SKP1: variants seen among roughly 807,000 people sequenced by gnomAD.
SKP1 encodes S-phase kinase-associated protein 1.
In SKP1, 1 loss-of-function variant was observed where a neutral mutation model predicts 21.5. The observed-to-expected ratio is 0.05, with a 90% CI of 0.02 to 0.22. The LOEUF (loss-of-function observed/expected upper bound fraction) is 0.22, where lower values mean the gene tolerates loss of function less well. Ranked by LOEUF, SKP1 falls within the 10% of genes least tolerant of loss-of-function variation. SKP1 has a pLI of 1.00. For synonymous variants in SKP1, 59 were observed against 59.3 expected, an observed-to-expected ratio of 0.99 and a Z score of 0.03; for missense variants, 70 against 192.0, an observed-to-expected ratio of 0.36 and a Z score of 3.76.
At position 134,154,460 on chromosome 5, in the gene SKP1, A is replaced by T. The variant is rs909470980; in HGVS notation, c.*3273T>A. On this transcript the variant is annotated 3_prime_UTR_variant, in exon 6 of 6. Coordinates refer to ENST00000353411, the MANE Select transcript of SKP1 (RefSeq NM_170679.3). ...GAGACTCTGTCTCAAAAAAAAAAAA[A>T]AAAAAAAAAAAATTATTAGAATTTG... 1 of 150,668 alleles carries T rather than the reference A, an allele frequency of 6.6e-6. No homozygotes were observed. The highest frequency in any genetic ancestry group is 1.5e-5 in the Non-Finnish European group (1 of 68,074). The allele number at this position is 150,668 out of a possible 1,614,324, so 9.3% of individuals were successfully genotyped here.
chr5:134,153,798 T>C lies in SKP1; in HGVS notation c.*3935A>G, dbSNP rs958328263. 3 of 152,172 alleles carry C rather than the reference T, an allele frequency of 2.0e-5. No homozygotes were observed. The highest frequency in any genetic ancestry group is 1.9e-4 in the East Asian group (1 of 5,196). 9.4% of individuals were successfully genotyped at this position (152,172 alleles called of 1,614,324 possible). A position where few individuals can be genotyped will look rare whatever the true frequency, so the allele number is the denominator to read the frequency against. On this transcript the variant is annotated 3_prime_UTR_variant, in exon 6 of 6. Coordinates refer to ENST00000353411, the MANE Select transcript of SKP1 (RefSeq NM_170679.3). ...ACGTAAACTGAAAAATCAATGTGAT[T>C]TGGAATATCTGCCTGCCCTAAGTGA...
At position 134,153,745 on chromosome 5, in the gene SKP1, A is replaced by G. The variant is rs974325948; in HGVS notation, c.*3988T>C. On this transcript the variant is annotated 3_prime_UTR_variant, in exon 6 of 6. Coordinates refer to ENST00000353411, the MANE Select transcript of SKP1 (RefSeq NM_170679.3). ...AAACAAAATTTATGTTGGGATCAGA[A>G]CACAGCCCATAGGATTGGTCAATTT... 4.6e-5 allele frequency: 7 copies of G among 152,240 alleles called. No individual in the cohort carries two copies. Among genetic ancestry groups the G allele is most frequent in the African/African-American group, 1.7e-4 (7 of 41,460 alleles). 9.4% of individuals were successfully genotyped at this position (152,240 alleles called of 1,614,324 possible).
In SKP1 at chr5:134,156,880, A is replaced by G. The variant is rs946717863; in HGVS notation, c.*853T>C. On this transcript the variant is annotated 3_prime_UTR_variant, in exon 6 of 6. Coordinates refer to ENST00000353411, the MANE Select transcript of SKP1 (RefSeq NM_170679.3). ...AAAAGCAAACTTAACTACCTACTAT[A>G]TAACTTACTTTTTATTGAAAGTATC... 3 of 152,666 alleles carry G rather than the reference A, an allele frequency of 2.0e-5. No homozygotes were observed. The highest frequency in any genetic ancestry group is 2.0e-4 in the Admixed American group (3 of 15,290). 9.5% of individuals were successfully genotyped at this position (152,666 alleles called of 1,614,324 possible). A position where few individuals can be genotyped will look rare whatever the true frequency, so the allele number is the denominator to read the frequency against.
At chr5:134,167,368 C>T in intron 2 of SKP1, 125 bp from the exon 3 acceptor site, 1 of 658,826 alleles carries the variant, frequency 1.5e-6, no homozygotes, top group Non-Finnish European at 2.7e-6. Context: ...TGGATTCAAC[C>T]AACCACAGAT....
chr5:134,157,712 T>G lies in SKP1; in HGVS notation c.*21A>C. 6.3e-7 allele frequency: 1 copy of G among 1,591,910 alleles called. No individual in the cohort carries two copies. The highest frequency in any genetic ancestry group is 1.1e-5 in the South Asian group (1 of 90,624). ...GTATTTGGAACAATCCTTACAGTGT[T>G]ACAGTGTCAGGCACAACATTTCACT... On this transcript the variant is annotated 3_prime_UTR_variant, in exon 6 of 6. Transcript: ENST00000353411.
intron 3 of SKP1, among the ~76,000 whole-genome samples, chr5:134,164,004 C>T (rs1761277468): frequency 6.6e-6 from 1 of 152,054 alleles, no homozygotes; most frequent in Admixed American, 6.5e-5. Context: ...TCTTTTCCCC[C>T]AAATATTCAC....
rs1761029297 is a variant in SKP1, at chr5:134,150,584, G to C, written c.*7149C>G. ...AAGGCTAAGTTGGCTTTTCTTTGAG[G>C]TTCTTTGAGAGTCCTTAACTGCGAC... On this transcript the variant is annotated 3_prime_UTR_variant, in exon 6 of 6. Transcript: ENST00000353411. 1.3e-5 allele frequency: 2 copies of C among 152,162 alleles called. No individual in the cohort carries two copies. Among genetic ancestry groups the C allele is most frequent in the Non-Finnish European group, 1.5e-5 (1 of 68,024 alleles). 9.4% of individuals were successfully genotyped at this position (152,162 alleles called of 1,614,324 possible).
chr5:134,165,722 TA>T, intron 3 of SKP1, among the ~76,000 whole-genome samples: 2 of 149,906 alleles, frequency 1.3e-5, no homozygotes, highest in Admixed American at 6.6e-5. Context: ...CCATCTCTAC[TA>T]AAAAATACAA....
chr5:134,167,342 A>G, intron 2 of SKP1, 99 bp from the exon 3 acceptor site: 1 of 768,624 alleles, frequency 1.3e-6, no homozygotes, highest in Non-Finnish European at 2.3e-6. Context: ...CCCCATATCC[A>G]TGAGTTCTAC....
intron 1 of SKP1, 135 bp downstream of exon 1, chr5:134,176,720 G>A (rs1201454170): frequency 6.6e-6 from 1 of 152,294 alleles, no homozygotes; most frequent in Admixed American, 6.5e-5. Context: ...GGTCGACAAC[G>A]CGATCCACCG....
At chr5:134,175,481 A>C (rs1211969720) in intron 1 of SKP1, 2 of 152,244 alleles carry the variant, frequency 1.3e-5, no homozygotes, top group Non-Finnish European at 2.9e-5. Context: ...ACCTGAGCCC[A>C]ATTTTTAATT....
At chr5:134,175,630 G>C (rs1191395165) in intron 1 of SKP1, 2 of 152,110 alleles carry the variant, frequency 1.3e-5, no homozygotes, top group African/African-American at 4.8e-5. Context: ...AATAACTCAA[G>C]ATAAGTGCTT....
chr5:134,155,717 C>T lies in SKP1; in HGVS notation c.*2016G>A, dbSNP rs1761109544. On this transcript the variant is annotated 3_prime_UTR_variant, in exon 6 of 6. Coordinates refer to ENST00000353411, the MANE Select transcript of SKP1 (RefSeq NM_170679.3). Reference sequence around the variant, plus strand: ...CCAGTTTCTTAGAAGGTGATACTTCCTTTACAAGTTAAACATGGCATATGG... The same window carrying T: ...CCAGTTTCTTAGAAGGTGATACTTCTTTTACAAGTTAAACATGGCATATGG... The T allele has an allele frequency of 6.6e-6, 1 of 152,184 alleles. No individual in the cohort carries two copies. Among genetic ancestry groups the T allele is most frequent in the Non-Finnish European group, 1.5e-5 (1 of 68,040 alleles). 9.4% of individuals were successfully genotyped at this position (152,184 alleles called of 1,614,324 possible).
intron 2 of SKP1, among the ~76,000 whole-genome samples, chr5:134,168,038 A>G (rs1449057848): frequency 6.6e-6 from 1 of 152,256 alleles, no homozygotes; most frequent in African/African-American, 2.4e-5. Flanking sequence ...CTCTCTTAGG[A>G]GCATTTAAAA....
intron 3 of SKP1, 172 bp from the exon 4 acceptor site, chr5:134,161,302 G>A: frequency 1.9e-6 from 1 of 534,788 alleles, no homozygotes; most frequent in Non-Finnish European, 3.3e-6. Flanking sequence ...TATAACCCTA[G>A]AAGGGAGAAG....
rs1207774215 is a variant in SKP1 at position 134,149,523 on chromosome 5, T to C, written c.*8210A>G. On this transcript the variant is annotated 3_prime_UTR_variant, in exon 6 of 6. Coordinates refer to ENST00000353411, the MANE Select transcript of SKP1 (RefSeq NM_170679.3). The stretch of plus-strand genomic sequence containing the variant: ...CTCCACTGAGTTCTATTTTTTGGAT[T>C]TTGTGTTTAAAGTATAAAGTCATTT... 1 of 152,234 alleles carries C rather than the reference T, an allele frequency of 6.6e-6. No homozygotes were observed. Among genetic ancestry groups the C allele is most frequent in the East Asian group, 1.9e-4 (1 of 5,204 alleles). The allele number at this position is 152,234 out of a possible 1,614,324, so 9.4% of individuals were successfully genotyped here.
At position 134,174,158 on chromosome 5, in the gene SKP1, G is replaced by A. The variant is rs1761495240; in HGVS notation, c.1-136C>T. 3 of 637,648 alleles carry A rather than the reference G, an allele frequency of 4.7e-6. No individual in the cohort carries two copies. In the East Asian group the frequency reaches 8.3e-5, roughly 18 times the overall value. The allele number at this position is 637,648 out of a possible 1,614,324, so 39.5% of individuals were successfully genotyped here. ...AACCTACAATACATAACCCTGTAAAGCACTGTTGTAAGCAGTTATTCACAA... is the reference window on the plus strand; with the variant it reads ...AACCTACAATACATAACCCTGTAAAACACTGTTGTAAGCAGTTATTCACAA... On this transcript the variant is annotated intron_variant, in intron 1 of 5. Coordinates refer to ENST00000353411, the MANE Select transcript of SKP1 (RefSeq NM_170679.3).
rs1175884487 is a variant in SKP1, at chr5:134,154,425, G to C, written c.*3308C>G. 1 of 134,604 alleles carries C rather than the reference G, an allele frequency of 7.4e-6. No individual in the cohort carries two copies. The highest frequency in any genetic ancestry group is 1.5e-5 in the Non-Finnish European group (1 of 65,900). 8.3% of individuals were successfully genotyped at this position (134,604 alleles called of 1,614,324 possible). On this transcript the variant is annotated 3_prime_UTR_variant, in exon 6 of 6. Transcript: ENST00000353411. The stretch of plus-strand genomic sequence containing the variant: ...ATCGCACCACTGCATTCCAGTCTGG[G>C]CGACAGAGTGAGACTCTGTCTCAAA...
In SKP1 at chr5:134,152,569, C is replaced by T. The variant is rs1299927161; in HGVS notation, c.*5164G>A. 1 of 152,190 alleles carries T rather than the reference C, an allele frequency of 6.6e-6. No individual in the cohort carries two copies. Among genetic ancestry groups the T allele is most frequent in the Non-Finnish European group, 1.5e-5 (1 of 68,080 alleles). 9.4% of individuals were successfully genotyped at this position (152,190 alleles called of 1,614,324 possible). On this transcript the variant is annotated 3_prime_UTR_variant, in exon 6 of 6. Coordinates refer to ENST00000353411, the MANE Select transcript of SKP1 (RefSeq NM_170679.3). Reference sequence around the variant, plus strand: ...ACTTTTTTTTTTTGAAACGGAGTCTCGCTCTGTCGCCAGGCTGGACTGCAG... The same window carrying T: ...ACTTTTTTTTTTTGAAACGGAGTCTTGCTCTGTCGCCAGGCTGGACTGCAG...
Sources: allele counts gnomAD v4.1 joint callset (sites outside exome capture counted in the v4.1 genomes callset), GRCh38; gene constraint gnomAD v4.1.1; transcripts MANE v1.5; gene names NCBI Gene and HGNC (gene_info 2026-07-23, HGNC 2026-07-21).